TENM3: variants seen among roughly 807,000 people sequenced by gnomAD.
TENM3 encodes the protein teneurin transmembrane protein 3, also known as teneurin-3.
A neutral mutation model predicts 255.1 loss-of-function variants in TENM3; 63 were observed. That is an observed-to-expected ratio of 0.25 (90% CI 0.20 to 0.30). The LOEUF (loss-of-function observed/expected upper bound fraction) is 0.30. Ranked by LOEUF, TENM3 falls within the 10% of genes least tolerant of loss-of-function variation. The probability of loss-of-function intolerance (pLI) is 1.00; values close to 1 mark genes in which losing one functional copy is unlikely to be tolerated. For missense variants in TENM3, 2,929 were observed against 3,461.1 expected (o/e 0.85, Z 3.86); for synonymous variants, 1,306 against 1,322.3 (o/e 0.99, Z 0.27).
At chr4:182,627,189 A>G (rs940080181) in intron 4 of TENM3, among the ~76,000 whole-genome samples, 1 of 152,172 alleles carries the variant, frequency 6.6e-6, no homozygotes, top group African/African-American at 2.4e-5. Flanking sequence ...CTTTTTTATT[A>G]ATTGGATACT....
At chr4:181,647,765 G>A in the TENM3 span, among the ~76,000 whole-genome samples, 2 of 152,156 alleles carry the variant, frequency 1.3e-5, no homozygotes, top group African/African-American at 2.4e-5. Flanking sequence ...AAAACAAGCT[G>A]ATACCCTATT....
intron 1 of TENM3, among the ~76,000 whole-genome samples, chr4:182,273,625 A>G (rs1405612188): frequency 6.6e-6 from 1 of 152,222 alleles, no homozygotes; most frequent in African/African-American, 2.4e-5. Flanking sequence ...TTGTAAGAGG[A>G]AAATATGTAC....
At chr4:181,562,781 T>A in the TENM3 span, among the ~76,000 whole-genome samples, 1 of 152,032 alleles carries the variant, frequency 6.6e-6, no homozygotes, top group Non-Finnish European at 1.5e-5. Context: ...TTCAAGTGAT[T>A]CTCCTGCCTC....
At chr4:182,311,991 G>T (rs1762476989) in intron 1 of TENM3, among the ~76,000 whole-genome samples, 1 of 152,168 alleles carries the variant, frequency 6.6e-6, no homozygotes, top group Non-Finnish European at 1.5e-5. Context: ...TTACCGTTTG[G>T]CAACTTTTCC....
chr4:181,579,954 ATTTTATTTTATTTTATTTTATT>A, the TENM3 span, among the ~76,000 whole-genome samples: 2 of 40,332 alleles, frequency 5.0e-5, no homozygotes, highest in Admixed American at 5.2e-4. Flanking sequence ...ATTTTATTTT[ATTTTATTTTATTTTATTTTATT>A]TTATTTTATT....
At chr4:182,189,901 T>G (rs772584275) in intron 1 of TENM3, among the ~76,000 whole-genome samples, 1 of 152,230 alleles carries the variant, frequency 6.6e-6, no homozygotes, top group Non-Finnish European at 1.5e-5. Context: ...GGCAGACATC[T>G]GCATCTTTGA....
rs574447661 is a variant in TENM3, at chr4:182,797,187, C to A, written c.7344+420C>A. On this transcript the variant is annotated intron_variant, in intron 27 of 27. Transcript: ENST00000511685. ...GAGTGAGGGGGCTCACGCCTGTAAT[C>A]CCAGCACTTTGGGAGGCCGAGGAGG... Among the ~76,000 whole-genome samples the A allele has an allele frequency of 6.0e-4, 92 of 152,316 alleles. 3 individuals are homozygous for A. In the South Asian group the frequency reaches 0.018, roughly 30 times the overall value.
chr4:182,187,135 A>G (rs1753213891), intron 1 of TENM3, among the ~76,000 whole-genome samples: 1 of 152,090 alleles, frequency 6.6e-6, no homozygotes, highest in Admixed American at 6.6e-5. Context: ...TAAACTTTGC[A>G]AAGTACATAA....
the TENM3 span, among the ~76,000 whole-genome samples, chr4:181,957,282 G>T: frequency 6.6e-6 from 1 of 152,114 alleles, no homozygotes; most frequent in Non-Finnish European, 1.5e-5. Context: ...CATGCTCATG[G>T]ACCACGGCCA....
chr4:181,625,548 C>T, the TENM3 span, among the ~76,000 whole-genome samples: 917 of 152,210 alleles, frequency 6.0e-3, 10 homozygotes, highest in African/African-American at 0.021. Flanking sequence ...CGCAGTGGCT[C>T]ATGCCTGTAA....
chr4:182,727,262 C>T (rs1339482509), intron 13 of TENM3, among the ~76,000 whole-genome samples: 2 of 151,984 alleles, frequency 1.3e-5, no homozygotes, highest in Non-Finnish European at 2.9e-5. Flanking sequence ...TCGAGATGAG[C>T]CTGGTCAACA....
chr4:181,594,506 T>A, the TENM3 span, among the ~76,000 whole-genome samples: 73,890 of 151,868 alleles, frequency 0.49, 18,195 homozygotes, highest in Non-Finnish European at 0.51. Flanking sequence ...CTTACTACTA[T>A]CCATTGGTCA....
the TENM3 span, among the ~76,000 whole-genome samples, chr4:181,627,090 C>T: frequency 1.3e-5 from 2 of 152,032 alleles, no homozygotes; most frequent in South Asian, 2.1e-4. Flanking sequence ...TTAAGAAGGG[C>T]CAACCACAAG....
At chr4:181,742,927 T>C in the TENM3 span, among the ~76,000 whole-genome samples, 2 of 151,392 alleles carry the variant, frequency 1.3e-5, no homozygotes, top group Admixed American at 1.3e-4. Flanking sequence ...ATATGCGGTG[T>C]TTGGTTTTTT....
chr4:182,715,988 C>T (rs1759132832), intron 13 of TENM3, among the ~76,000 whole-genome samples: 1 of 152,094 alleles, frequency 6.6e-6, no homozygotes. Flanking sequence ...GGCCCGTAGC[C>T]TTCACAGCTT....
At chr4:182,352,866 T>C (rs1023638403) in intron 3 of TENM3, among the ~76,000 whole-genome samples, 2 of 152,082 alleles carry the variant, frequency 1.3e-5, no homozygotes, top group African/African-American at 4.8e-5. Flanking sequence ...TATTTTGCAA[T>C]CCAGATTTTC....
At chr4:181,926,273 C>A in the TENM3 span, among the ~76,000 whole-genome samples, 31 of 152,032 alleles carry the variant, frequency 2.0e-4, no homozygotes, top group South Asian at 6.2e-3. Context: ...ACTGAATTCA[C>A]GAGAATTCAT....
At chr4:182,061,372 TTAAAAA>T in the TENM3 span, among the ~76,000 whole-genome samples, 1 of 152,030 alleles carries the variant, frequency 6.6e-6, no homozygotes, top group South Asian at 2.1e-4. Flanking sequence ...TGTCAGTCAC[TTAAAAA>T]TAAAAACTGC....
chr4:182,368,721 C>A (rs544070809), intron 3 of TENM3, among the ~76,000 whole-genome samples: 49 of 152,240 alleles, frequency 3.2e-4, no homozygotes, highest in African/African-American at 1.2e-3. Flanking sequence ...AAGGTTTGTT[C>A]TTTAAAGGAT....
Sources: gnomAD v4.1 joint callset for allele counts (sites outside exome capture counted in the v4.1 genomes callset) on GRCh38, gnomAD v4.1.1 for gene constraint, MANE v1.5 for transcripts, NCBI Gene and HGNC (gene_info 2026-07-23, HGNC 2026-07-21) for gene names.